The following IPO11 variants were observed in gnomAD, a reference collection of about 807,000 sequenced individuals.
The protein encoded by IPO11 is importin-11.
IPO11 carries 66 observed loss-of-function variants against 143.2 expected under a neutral mutation model. The observed-to-expected ratio is 0.46, with a 90% confidence interval of 0.38 to 0.57. The LOEUF (loss-of-function observed/expected upper bound fraction) is 0.57. IPO11 is among the 20% of genes least tolerant of loss of function. The pLI, the probability that IPO11 is intolerant of heterozygous loss-of-function variation, is 0.00. For missense variants in IPO11, 1,026 were observed against 1,141.0 expected (o/e 0.90, Z 1.45); for synonymous variants, 385 against 377.8 (o/e 1.02, Z -0.22).
At chr5:62,565,064 ATC>A (rs1240877237) in intron 27 of IPO11, among the ~76,000 whole-genome samples, 1 of 152,198 alleles carries the variant, frequency 6.6e-6, no homozygotes, top group East Asian at 1.9e-4. Flanking sequence ...TCCTTATTTC[ATC>A]CCCTTCTTTT....
At chr5:62,547,908 A>G (rs557578879) in intron 24 of IPO11, among the ~76,000 whole-genome samples, 7 of 152,232 alleles carry the variant, frequency 4.6e-5, no homozygotes, top group Non-Finnish European at 1.0e-4. Context: ...AAGGTTTCTT[A>G]AAGAAAAAAA....
At chr5:62,597,332 T>G (rs1561379778) in intron 28 of IPO11, among the ~76,000 whole-genome samples, 1 of 152,226 alleles carries the variant, frequency 6.6e-6, no homozygotes, top group African/African-American at 2.4e-5. Flanking sequence ...GTGTTAAACT[T>G]AAGACAAATT....
At chr5:62,450,633 T>C (rs1744879648) in intron 4 of IPO11, among the ~76,000 whole-genome samples, 1 of 149,854 alleles carries the variant, frequency 6.7e-6, no homozygotes, top group South Asian at 2.1e-4. Context: ...TTTTAATGAT[T>C]ATAATTTTTA....
Position 62,463,825 on chromosome 5 carries a change from AT to A in IPO11, c.517-3291del, listed in dbSNP as rs1216895535. 8.5e-3 allele frequency among the ~76,000 whole-genome samples: 1,221 copies of A among 143,426 alleles called. 2 individuals are homozygous for A. Among genetic ancestry groups the A allele is most frequent in the Middle Eastern group, 0.014 (4 of 282 alleles). The allele number at this position is 143,426 out of a possible 152,430, so 94.1% of individuals were successfully genotyped here. ...TACTGAACATACCTTTTACTTCTGT[AT>A]TTTTTTTTTTTTTTAATGACAGAGT... On this transcript the variant is annotated intron_variant, in intron 5 of 29. Transcript: ENST00000325324.
chr5:62,425,199 T>TG (rs1481830315), intron 1 of IPO11, among the ~76,000 whole-genome samples: 2 of 152,240 alleles, frequency 1.3e-5, no homozygotes, highest in African/African-American at 4.8e-5. Context: ...CTTGCTCAGA[T>TG]GGTCATTGAG....
At chr5:62,522,947 T>C (rs186430594) in intron 20 of IPO11, among the ~76,000 whole-genome samples, 133 of 152,366 alleles carry the variant, frequency 8.7e-4, no homozygotes, top group African/African-American at 3.1e-3. Flanking sequence ...TCCAATCCTC[T>C]GTCCCCTAAA....
intron 28 of IPO11, among the ~76,000 whole-genome samples, chr5:62,598,435 TCTCTCTCTCTCTCTCTCTCTCTCTC>T (rs1745334982): frequency 9.9e-4 from 3 of 3,042 alleles, no homozygotes; most frequent in Admixed American, 5.0e-3. Flanking sequence ...TTTCTTTCTC[TCTCTCTCTCTCTCTCTCTCTCTCTC>T]TCTCTCTCTC....
At chr5:62,495,187 A>G (rs563845723) in intron 16 of IPO11, among the ~76,000 whole-genome samples, 1 of 152,346 alleles carries the variant, frequency 6.6e-6, no homozygotes, top group South Asian at 2.1e-4. Context: ...TAAATACTAT[A>G]AGCATGGGAA....
intron 24 of IPO11, among the ~76,000 whole-genome samples, chr5:62,537,902 G>A (rs1742790317): frequency 6.6e-6 from 1 of 152,124 alleles, no homozygotes; most frequent in Admixed American, 6.5e-5. Context: ...TATGGACTTT[G>A]AGAGAAGGTG....
chr5:62,559,262 A>G (rs1464743125), intron 26 of IPO11, among the ~76,000 whole-genome samples: 10 of 152,164 alleles, frequency 6.6e-5, no homozygotes, highest in Non-Finnish European at 1.2e-4. Context: ...CAGAAATTCT[A>G]CTGAAGACTG....
intron 26 of IPO11, among the ~76,000 whole-genome samples, chr5:62,555,638 C>T (rs182342944): frequency 7.9e-5 from 12 of 151,790 alleles, no homozygotes; most frequent in Admixed American, 2.0e-4. Flanking sequence ...CAAGTAGCTG[C>T]GACTACAGGT....
chr5:62,612,479 A>C (rs1745959815), intron 29 of IPO11, among the ~76,000 whole-genome samples: 1 of 152,224 alleles, frequency 6.6e-6, no homozygotes, highest in Non-Finnish European at 1.5e-5. Context: ...TAACCAAAAC[A>C]CATAATGCAA....
intron 2 of IPO11, 88 bp downstream of exon 2, chr5:62,437,505 T>A: frequency 8.6e-7 from 1 of 1,159,146 alleles, no homozygotes; most frequent in Non-Finnish European, 1.2e-6. Flanking sequence ...ATTGGTAGTT[T>A]AGTGAAATAG....
Position 62,457,914 on chromosome 5 carries a change from C to T in IPO11, c.516+5981C>T, listed in dbSNP as rs558262565. Among the ~76,000 whole-genome samples, 22 of 152,094 alleles carry T rather than the reference C, an allele frequency of 1.4e-4. No homozygotes were observed. In the South Asian group the frequency reaches 4.1e-3, roughly 29 times the overall value. On this transcript the variant is annotated intron_variant, in intron 5 of 29. Coordinates refer to ENST00000325324, the MANE Select transcript of IPO11 (RefSeq NM_016338.5). ...CTGTAATCCCAGCCCTTTGGGAGGC[C>T]GAGGAGGGCGGATCACGAGGTCAGG...
intron 15 of IPO11, among the ~76,000 whole-genome samples, chr5:62,492,293 A>G (rs1222423148): frequency 6.6e-6 from 1 of 152,142 alleles, no homozygotes; most frequent in African/African-American, 2.4e-5. Flanking sequence ...ACCTCACTCT[A>G]CACAAGTTGT....
At chr5:62,506,124 GTTTA>G (rs1741547372) in intron 18 of IPO11, 113 bp from the exon 19 acceptor site, 9 of 538,338 alleles carry the variant, frequency 1.7e-5, no homozygotes, top group Non-Finnish European at 2.9e-5. Context: ...GCTTTTGGCT[GTTTA>G]TTTGACTTAC....
intron 1 of IPO11, among the ~76,000 whole-genome samples, chr5:62,434,044 C>T (rs1263168729): frequency 6.6e-6 from 1 of 152,074 alleles, no homozygotes; most frequent in Non-Finnish European, 1.5e-5. Context: ...TTATTTTGCC[C>T]CATTTGTTCC....
At chr5:62,476,834 T>A in intron 9 of IPO11, 81 bp downstream of exon 9, 1 of 1,343,574 alleles carries the variant, frequency 7.4e-7, no homozygotes, top group Non-Finnish European at 9.8e-7. Flanking sequence ...TTTATAACCA[T>A]ACATTTTCAC....
At chr5:62,571,528 T>A (rs1744130105) in intron 27 of IPO11, among the ~76,000 whole-genome samples, 1 of 152,214 alleles carries the variant, frequency 6.6e-6, no homozygotes, top group African/African-American at 2.4e-5. Context: ...AGTAGGTACA[T>A]CTCTTTCTTT....
Sources: allele counts gnomAD v4.1 joint callset (sites outside exome capture counted in the v4.1 genomes callset), GRCh38; gene constraint gnomAD v4.1.1; transcripts MANE v1.5; gene names NCBI Gene and HGNC (gene_info 2026-07-23, HGNC 2026-07-21).